DRICH1: variants seen among roughly 807,000 people sequenced by gnomAD.
The protein encoded by DRICH1 is aspartate-rich protein 1.
Under a neutral mutation model 39.5 loss-of-function variants are expected in DRICH1, and 38 were observed. The observed-to-expected ratio is 0.96, with a 90% CI of 0.74 to 1.26. The LOEUF (loss-of-function observed/expected upper bound fraction) is 1.26. DRICH1 is among the 50% of genes most tolerant of loss of function. DRICH1 has a pLI of 0.00. For missense variants in DRICH1, 279 were observed against 270.4 expected (o/e 1.03, Z -0.22); for synonymous variants, 84 against 99.5 (o/e 0.84, Z 0.93).
At chr22:23,631,308 C>T (rs956172407) in intron 1 of DRICH1, among the ~76,000 whole-genome samples, 2 of 151,792 alleles carry the variant, frequency 1.3e-5, no homozygotes, top group African/African-American at 2.4e-5. Flanking sequence ...AGTCCCTACT[C>T]AGGAGGCTGA....
At chr22:23,585,759 A>G in the DRICH1 span, among the ~76,000 whole-genome samples, 8 of 152,080 alleles carry the variant, frequency 5.3e-5, no homozygotes, top group Non-Finnish European at 1.0e-4. Context: ...GCTTCAAATG[A>G]TCCTCTCGCT....
chr22:23,611,463 C>T (rs895527061), intron 11 of DRICH1, among the ~76,000 whole-genome samples: 1 of 150,216 alleles, frequency 6.7e-6, no homozygotes, highest in African/African-American at 2.5e-5. Context: ...ATGATCTCGG[C>T]TCACTGCAAA....
rs1414345487 is a variant in DRICH1 at position 23,608,734 on chromosome 22, C to T, written c.*30G>A. 11 of 1,556,068 alleles carry T rather than the reference C, an allele frequency of 7.1e-6. No individual in the cohort carries two copies. Among genetic ancestry groups the T allele is most frequent in the Non-Finnish European group, 9.6e-6 (11 of 1,148,916 alleles). ...GCACGCGCTGGCCTGCCCTTTGGGTCAGCACCCTGGTCAGCTCCACAGAAG... is the reference window on the plus strand; with the variant it reads ...GCACGCGCTGGCCTGCCCTTTGGGTTAGCACCCTGGTCAGCTCCACAGAAG... On this transcript the variant is annotated 3_prime_UTR_variant, in exon 12 of 12. Coordinates refer to ENST00000317749, the MANE Select transcript of DRICH1 (RefSeq NM_016449.4).
chr22:23,618,113 CTTTTTTTTT>C (rs368348650), intron 6 of DRICH1, among the ~76,000 whole-genome samples: 1 of 127,332 alleles, frequency 7.9e-6, no homozygotes, highest in African/African-American at 2.8e-5. Flanking sequence ...ATCACACATT[CTTTTTTTTT>C]TTTTTTTTTG....
chr22:23,592,652 G>T, the DRICH1 span, among the ~76,000 whole-genome samples: 1 of 152,048 alleles, frequency 6.6e-6, no homozygotes, highest in Non-Finnish European at 1.5e-5. Context: ...GGCTGATATT[G>T]GGCACCTCTG....
chr22:23,601,707 C>T, the DRICH1 span, among the ~76,000 whole-genome samples: 8 of 152,106 alleles, frequency 5.3e-5, no homozygotes, highest in East Asian at 1.9e-4. Flanking sequence ...GGGAACTGGC[C>T]GGAGTACCTG....
chr22:23,598,368 C>A, the DRICH1 span, among the ~76,000 whole-genome samples: 3,571 of 144,512 alleles, frequency 0.025, 97 homozygotes, highest in African/African-American at 0.056. Flanking sequence ...CCCCGTGGGC[C>A]TGGCACTCCC....
chr22:23,611,344 T>A (rs57820280), intron 11 of DRICH1, among the ~76,000 whole-genome samples: 1 of 151,974 alleles, frequency 6.6e-6, no homozygotes, highest in Non-Finnish European at 1.5e-5. Flanking sequence ...GGAGACAACA[T>A]ACAGAAGTGC....
downstream of DRICH1, among the ~76,000 whole-genome samples, chr22:23,606,829 A>G (rs906110929): frequency 1.3e-5 from 2 of 152,110 alleles, no homozygotes; most frequent in African/African-American, 4.8e-5. Context: ...CTGCCCTCTC[A>G]TTCAACTGCT....
chr22:23,602,621 G>A, the DRICH1 span, among the ~76,000 whole-genome samples: 1 of 150,850 alleles, frequency 6.6e-6, no homozygotes, highest in Non-Finnish European at 1.5e-5. Context: ...GGTGGCGGAG[G>A]TTGCAGTGAG....
At chr22:23,587,801 G>T in the DRICH1 span, among the ~76,000 whole-genome samples, 1 of 152,168 alleles carries the variant, frequency 6.6e-6, no homozygotes, top group African/African-American at 2.4e-5. Context: ...CTTGAGCCAG[G>T]CCCCTCTAAG....
intron 7 of DRICH1, 31 bp downstream of exon 7, chr22:23,617,544 T>G (rs1257767241): frequency 1.9e-6 from 3 of 1,612,070 alleles, no homozygotes; most frequent in Non-Finnish European, 2.5e-6. Flanking sequence ...AAACCAACAT[T>G]TCCTTAGAAG....
the DRICH1 span, among the ~76,000 whole-genome samples, chr22:23,594,525 G>A: frequency 1.3e-5 from 2 of 152,164 alleles, no homozygotes; most frequent in Non-Finnish European, 2.9e-5. Flanking sequence ...AGCCAAGATC[G>A]CACCACTACA....
the DRICH1 span, among the ~76,000 whole-genome samples, chr22:23,598,810 C>G: frequency 6.6e-6 from 1 of 152,190 alleles, no homozygotes; most frequent in African/African-American, 2.4e-5. Flanking sequence ...AGGCGCCCTC[C>G]ATACAAGTGT....
the DRICH1 span, among the ~76,000 whole-genome samples, chr22:23,601,946 A>G: frequency 2.6e-5 from 4 of 151,922 alleles, no homozygotes; most frequent in Non-Finnish European, 5.9e-5. Context: ...TCACCCCTGT[A>G]ATCCCAGCAC....
chr22:23,592,256 T>C, the DRICH1 span, among the ~76,000 whole-genome samples: 1 of 152,182 alleles, frequency 6.6e-6, no homozygotes, highest in African/African-American at 2.4e-5. Flanking sequence ...GCACTCTGGC[T>C]GCCAAAAGCA....
At position 23,623,917 on chromosome 22, in the gene DRICH1, T is replaced by G. The variant is rs192678359; in HGVS notation, c.298+966A>C. On this transcript the variant is annotated intron_variant, in intron 3 of 11. Coordinates refer to ENST00000317749, the MANE Select transcript of DRICH1 (RefSeq NM_016449.4). Reference sequence around the variant, plus strand: ...AAAGGAAAGTCTCTTCCACAAATGATGGTAAAACTGCATATTCTCAACAGA... The same window carrying G: ...AAAGGAAAGTCTCTTCCACAAATGAGGGTAAAACTGCATATTCTCAACAGA... 13 of 976,340 alleles carry G rather than the reference T, an allele frequency of 1.3e-5. No homozygotes were observed. The Admixed American group carries it at 2.5e-4, about 19-fold the overall frequency. 60.5% of individuals were successfully genotyped at this position (976,340 alleles called of 1,614,324 possible).
chr22:23,626,797 A>C (rs1025554220), intron 1 of DRICH1, among the ~76,000 whole-genome samples: 3 of 151,376 alleles, frequency 2.0e-5, no homozygotes, highest in African/African-American at 7.3e-5. Context: ...CATTGCTCAC[A>C]CTTGCCAGCC....
the DRICH1 span, among the ~76,000 whole-genome samples, chr22:23,598,738 G>C: frequency 7.9e-5 from 12 of 152,238 alleles, no homozygotes; most frequent in African/African-American, 2.9e-4. Flanking sequence ...GCTGGGGAAT[G>C]GTAAAGGGAG....
Sources: gnomAD v4.1 joint callset for allele counts (sites outside exome capture counted in the v4.1 genomes callset) on GRCh38, gnomAD v4.1.1 for gene constraint, MANE v1.5 for transcripts, NCBI Gene and HGNC (gene_info 2026-07-23, HGNC 2026-07-21) for gene names.